The following ABCF1 variants were observed in gnomAD, a reference collection of about 807,000 sequenced individuals.
ABCF1 encodes the protein ATP binding cassette subfamily F member 1, also known as ATP-binding cassette sub-family F member 1.
A neutral mutation model predicts 126.3 loss-of-function variants in ABCF1; 73 were observed. That is an observed-to-expected ratio of 0.58 (90% CI 0.48 to 0.70). The LOEUF (loss-of-function observed/expected upper bound fraction) is 0.70, where lower values mean the gene tolerates loss of function less well. Ranked by LOEUF, ABCF1 falls within the 30% of genes least tolerant of loss-of-function variation. The pLI is 0.00. For missense variants in ABCF1, 786 were observed against 1,057.5 expected (o/e 0.74, Z 3.56); for synonymous variants, 345 against 396.4 (o/e 0.87, Z 1.54).
At position 30,585,875 on chromosome 6, in the gene ABCF1, C is replaced by A; in HGVS notation, c.1601-4C>A. 6.3e-7 allele frequency: 1 copy of A among 1,599,506 alleles called. No homozygotes were observed. Among genetic ancestry groups the A allele is most frequent in the Non-Finnish European group, 8.5e-7 (1 of 1,172,548 alleles). The stretch of plus-strand genomic sequence containing the variant: ...CTGATGCCTGGTCCCCTCTTCTGCC[C>A]CAGTGACCTTCAAAAAGATGTACCA... On this transcript the variant is annotated splice_polypyrimidine_tract_variant and splice_region_variant and intron_variant, in intron 16 of 24. Transcript: ENST00000326195.
rs17195446 is a variant in ABCF1, at chr6:30,586,076, A to G, written c.1714-58A>G. ...GAAGGAGACTCTGGAACGCTGGCCTACATTTCAAGGACTGCCGCGCAGGGC... is the reference window on the plus strand; with the variant it reads ...GAAGGAGACTCTGGAACGCTGGCCTGCATTTCAAGGACTGCCGCGCAGGGC... On this transcript the variant is annotated intron_variant, in intron 17 of 24. Coordinates refer to ENST00000326195, the MANE Select transcript of ABCF1 (RefSeq NM_001025091.2). The surrounding 1 kb of genome is among the most constrained non-coding windows in gnomAD (Gnocchi z 4.9). The G allele has an allele frequency of 0.011, 17,472 of 1,595,122 alleles. 177 individuals carry two copies. Among genetic ancestry groups the G allele is most frequent in the Middle Eastern group, 0.024 (140 of 5,946 alleles).
chr6:30,583,083 A>C lies in ABCF1; in HGVS notation c.810A>C (p.Gln270His). The C allele has an allele frequency of 1.2e-6, 2 of 1,610,262 alleles. No homozygotes were observed. The highest frequency in any genetic ancestry group is 8.5e-7 in the Non-Finnish European group (1 of 1,177,562). The change falls in exon 10 of 25, where the codon CAA becomes CAC. Residue 270 changes from glutamine (Q) to histidine (H), a missense_variant. Coordinates refer to ENST00000326195, the MANE Select transcript of ABCF1 (RefSeq NM_001025091.2). This position sits in a 1 kb window ranked among gnomAD's most constrained non-coding sequence, Gnocchi z 4.1. Reference sequence around the variant, plus strand: ...CTTCTCAGATGGAGTATGAGCGCCAAGTGGCTTCATTAAAAGCAGCCAATG... The same window carrying C: ...CTTCTCAGATGGAGTATGAGCGCCACGTGGCTTCATTAAAAGCAGCCAATG... ...KLKKQMEYER[Q>H]VASLKAANAA... is the part of the protein sequence containing the mutation.
rs556395466 is a variant in ABCF1 at position 30,583,391 on chromosome 6, G to A, written c.915+203G>A. On this transcript the variant is annotated intron_variant, in intron 10 of 24. Transcript: ENST00000326195. This position sits in a 1 kb window ranked among gnomAD's most constrained non-coding sequence, Gnocchi z 4.1. The stretch of plus-strand genomic sequence containing the variant: ...TGGGGTCCACCCTTGGCAGAAAATA[G>A]TGTGGGACAGACTAGACTAGCTGAG... Among the ~76,000 whole-genome samples the A allele has an allele frequency of 4.5e-4, 68 of 152,358 alleles. 1 individual carries two copies. Among genetic ancestry groups the A allele is most frequent in the Middle Eastern group, 3.4e-3 (1 of 294 alleles).
At chr6:30,585,837 A>G (rs1294325504) in intron 16 of ABCF1, 42 bp from the exon 17 acceptor site, 1 of 1,568,936 alleles carries the variant, frequency 6.4e-7, no homozygotes. Flanking sequence ...TTTGCTGGGA[A>G]GAGGAGCAAC....
intron 9 of ABCF1, among the ~76,000 whole-genome samples, chr6:30,582,716 C>T (rs1313787139): frequency 2.0e-5 from 3 of 152,020 alleles, no homozygotes; most frequent in Non-Finnish European, 4.4e-5. Context: ...TTTTTTGAGA[C>T]AGGGTCTCAC....
intron 16 of ABCF1, 51 bp from the exon 17 acceptor site, chr6:30,585,826 CTT>C: frequency 1.9e-6 from 3 of 1,561,640 alleles, no homozygotes; most frequent in Non-Finnish European, 2.6e-6. Context: ...CTGGTTGTCC[CTT>C]TGCTGGGAAG....
rs890240651 is a variant in ABCF1 at position 30,584,342 on chromosome 6, T to C, written c.1242+11T>C. On this transcript the variant is annotated intron_variant, in intron 13 of 24. Coordinates refer to ENST00000326195, the MANE Select transcript of ABCF1 (RefSeq NM_001025091.2). The surrounding 1 kb of genome is among the most constrained non-coding windows in gnomAD (Gnocchi z 4.6). The stretch of plus-strand genomic sequence containing the variant: ...GAGAGGCTAGAGAAGGTAGAGGAGA[T>C]GGCGCAGGGGACACGGGCAAAGACT... The C allele has an allele frequency of 2.5e-6, 4 of 1,612,764 alleles. No individual in the cohort carries two copies. The Admixed American group carries it at 6.7e-5, about 27-fold the overall frequency.
intron 20 of ABCF1, among the ~76,000 whole-genome samples, chr6:30,588,447 C>T (rs534941493): frequency 3.2e-4 from 49 of 151,982 alleles, no homozygotes; most frequent in Non-Finnish European, 5.4e-4. Context: ...CTGCAACCTC[C>T]GTCTCCTGGG....
intron 20 of ABCF1, among the ~76,000 whole-genome samples, chr6:30,587,277 G>A (rs139695118): frequency 3.0e-4 from 45 of 150,922 alleles, no homozygotes; most frequent in Non-Finnish European, 1.0e-4. Flanking sequence ...TTGGCCTGGC[G>A]TGGTGGCCCA....
rs370330093 is a variant in ABCF1 at position 30,585,352 on chromosome 6, C to A, written c.1475+9C>A. The A allele has an allele frequency of 6.2e-7, 1 of 1,612,072 alleles. No homozygotes were observed. Among genetic ancestry groups the A allele is most frequent in the Non-Finnish European group, 8.5e-7 (1 of 1,178,960 alleles). ...GTCATCTGGCTTAATAAGTGCGTTA[C>A]GGCCTTTGCATCATTGGTTCCCATT... On this transcript the variant is annotated intron_variant, in intron 15 of 24. Transcript: ENST00000326195.
intron 6 of ABCF1, among the ~76,000 whole-genome samples, chr6:30,579,008 A>AAT (rs1331818040): frequency 2.0e-5 from 3 of 152,064 alleles, no homozygotes; most frequent in Non-Finnish European, 4.4e-5. Flanking sequence ...TCAAAAAAAA[A>AAT]ACAACAAAAA....
At position 30,585,351 on chromosome 6, in the gene ABCF1, A is replaced by G; in HGVS notation, c.1475+8A>G. The stretch of plus-strand genomic sequence containing the variant: ...TGTCATCTGGCTTAATAAGTGCGTT[A>G]CGGCCTTTGCATCATTGGTTCCCAT... On this transcript the variant is annotated splice_region_variant and intron_variant, in intron 15 of 24. Transcript: ENST00000326195. 6.2e-7 allele frequency: 1 copy of G among 1,612,380 alleles called. No individual in the cohort carries two copies. Among genetic ancestry groups the G allele is most frequent in the Non-Finnish European group, 8.5e-7 (1 of 1,179,244 alleles).
At position 30,578,125 on chromosome 6, in the gene ABCF1, A is replaced by T. The variant is rs749142664; in HGVS notation, c.266A>T (p.Asp89Val). ...TRKGRRKKDVDDDGEEKELME... is the reference protein window; with the variant it reads ...TRKGRRKKDVVDDGEEKELME... ...AAAGGCAGGCGGAAGAAGGATGTGG[A>T]TGATGATGGAGAAGAGAAAGAGCTC... Residue 89 changes from aspartate (D) to valine (V), a missense_variant, in exon 4 of 25, where the codon GAT becomes GTT. This residue lies in a region of ABCF1 where 322 missense variants were observed against 322.9 expected (regional missense o/e 1.00). Transcript: ENST00000326195. 1 of 1,614,058 alleles carries T rather than the reference A, an allele frequency of 6.2e-7. No homozygotes were observed. Among genetic ancestry groups the T allele is most frequent in the Non-Finnish European group, 8.5e-7 (1 of 1,180,008 alleles).
At position 30,584,592 on chromosome 6, in the gene ABCF1, C is replaced by A; in HGVS notation, c.1391+26C>A. On this transcript the variant is annotated intron_variant, in intron 14 of 24. Coordinates refer to ENST00000326195, the MANE Select transcript of ABCF1 (RefSeq NM_001025091.2). This position sits in a 1 kb window ranked among gnomAD's most constrained non-coding sequence, Gnocchi z 4.6. ...GTGGGCCATTCACCTCACTGCCCTC[C>A]CTTCCAGCCTCAGACCACCGGGGCC... 6.4e-7 allele frequency: 1 copy of A among 1,564,050 alleles called. No individual in the cohort carries two copies. The highest frequency in any genetic ancestry group is 8.6e-7 in the Non-Finnish European group (1 of 1,157,426).
chr6:30,590,759 T>C lies in ABCF1; in HGVS notation c.*58T>C, dbSNP rs748797466. The C allele has an allele frequency of 3.3e-4, 510 of 1,533,112 alleles. 1 individual carries two copies. The highest frequency in any genetic ancestry group is 4.1e-4 in the Non-Finnish European group (465 of 1,139,236). 95.0% of individuals were successfully genotyped at this position (1,533,112 alleles called of 1,614,324 possible). The stretch of plus-strand genomic sequence containing the variant: ...ATTTGTGTGGCCTAGAAGTCCTCTG[T>C]GGTCTCCCCTCCTCTGAAGACTGCC... On this transcript the variant is annotated 3_prime_UTR_variant, in exon 25 of 25. Coordinates refer to ENST00000326195, the MANE Select transcript of ABCF1 (RefSeq NM_001025091.2).
Position 30,586,096 on chromosome 6 carries a change from C to T in ABCF1, c.1714-38C>T. The T allele has an allele frequency of 6.2e-7, 1 of 1,603,932 alleles. No individual in the cohort carries two copies. On this transcript the variant is annotated intron_variant, in intron 17 of 24. Transcript: ENST00000326195. This position sits in a 1 kb window ranked among gnomAD's most constrained non-coding sequence, Gnocchi z 4.9. Reference sequence around the variant, plus strand: ...GGCCTACATTTCAAGGACTGCCGCGCAGGGCTCAGGTTTCTCTTTTTTCCT... The same window carrying T: ...GGCCTACATTTCAAGGACTGCCGCGTAGGGCTCAGGTTTCTCTTTTTTCCT...
Position 30,590,518 on chromosome 6 carries a change from GC to G in ABCF1, c.2372-16del. 6.2e-7 allele frequency: 1 copy of G among 1,604,404 alleles called. No individual in the cohort carries two copies. The highest frequency in any genetic ancestry group is 8.5e-7 in the Non-Finnish European group (1 of 1,176,112). The stretch of plus-strand genomic sequence containing the variant: ...TCCTTTCTTCCTGCCCTCTGTTGTT[GC>G]TATCTTTCTTCAAAGCTGTGATCGT... On this transcript the variant is annotated splice_polypyrimidine_tract_variant and intron_variant, in intron 24 of 24. Coordinates refer to ENST00000326195, the MANE Select transcript of ABCF1 (RefSeq NM_001025091.2).
chr6:30,590,212 T>C lies in ABCF1; in HGVS notation c.2297T>C (p.Leu766Ser), dbSNP rs1450957671. The change falls in exon 23 of 25, where the codon TTG becomes TCG. Residue 766 changes from leucine to serine, a missense_variant and splice_region_variant. By Grantham distance (145) the Leu-to-Ser change is moderately radical. Around this residue, in one of 4 missense-constraint regions of ABCF1, gnomAD observed 288 missense variants for 423.5 expected, o/e 0.68. Transcript: ENST00000326195. ...TGTCGGGAACCTGATGTCCTCATCTTGGTGAGTGAGCTGGGCTGTGGGAAA... is the reference window on the plus strand; with the variant it reads ...TGTCGGGAACCTGATGTCCTCATCTCGGTGAGTGAGCTGGGCTGTGGGAAA... ...LACREPDVLI[L>S]DEPTNNLDIE... The C allele has an allele frequency of 3.1e-6, 5 of 1,612,872 alleles. No individual in the cohort carries two copies. In the African/African-American group the frequency reaches 6.7e-5, roughly 22 times the overall value.
rs374365010 is a variant in ABCF1 at position 30,585,726 on chromosome 6, G to A, written c.1600+44G>A. The A allele has an allele frequency of 3.7e-6, 6 of 1,606,776 alleles. No homozygotes were observed. In the African/African-American group the frequency reaches 4.0e-5, roughly 11 times the overall value. ...GGATGCAGGGAAGAGATAGAACCTC[G>A]AAAAGAGGCCTGAGTGGGAGGGCCT... On this transcript the variant is annotated intron_variant, in intron 16 of 24. Coordinates refer to ENST00000326195, the MANE Select transcript of ABCF1 (RefSeq NM_001025091.2).
Sources: allele counts gnomAD v4.1 joint callset (sites outside exome capture counted in the v4.1 genomes callset), GRCh38; gene constraint gnomAD v4.1.1; regional missense constraint gnomAD v4.1.1; non-coding constraint Gnocchi (gnomAD v3.1); transcripts MANE v1.5; gene names NCBI Gene and HGNC (gene_info 2026-07-23, HGNC 2026-07-21).